LIFR: variants seen among roughly 807,000 people sequenced by gnomAD.
LIFR encodes the protein leukemia inhibitory factor receptor.
Under a neutral mutation model 122.2 loss-of-function variants are expected in LIFR, and 84 were observed. The observed-to-expected ratio is 0.69, with a 90% CI of 0.58 to 0.82. LIFR has a LOEUF of 0.82. LIFR is among the 40% of genes least tolerant of loss of function. The pLI, the probability that LIFR is intolerant of heterozygous loss-of-function variation, is 0.00. For synonymous variants in LIFR, 422 were observed against 434.7 expected (o/e 0.97, Z 0.36); for missense variants, 1,294 against 1,311.6 (o/e 0.99, Z 0.21).
Position 38,493,723 on chromosome 5 carries a change from C to T in LIFR, c.1948G>A (p.Asp650Asn), listed in dbSNP as rs143621762. ...ACGTAGTCGCAAGTCATGTTGGGGT[C>T]GTAATGCCAGGTGAGGAGAATCCCC... ...GKGILLTWHY[D>N]PNMTCDYVIK... is the part of the protein sequence containing the mutation. The change falls in exon 14 of 20, where the codon GAC (aspartate) becomes AAC (asparagine). Residue 650 changes from aspartate (D) to asparagine (N), a missense_variant. Coordinates refer to ENST00000453190, the MANE Select transcript of LIFR (RefSeq NM_001127671.2). 1.2e-5 allele frequency: 19 copies of T among 1,614,056 alleles called. No homozygotes were observed. The highest frequency in any genetic ancestry group is 5.3e-5 in the African/African-American group (4 of 75,018).
Position 38,510,461 on chromosome 5 carries a change from T to C in LIFR, c.991+3A>G. Reference sequence around the variant, plus strand: ...AATTCTCTCTTTAAAATCATATACTTACATCCAGCAAAAATAACGGTTCCA... The same window carrying C: ...AATTCTCTCTTTAAAATCATATACTCACATCCAGCAAAAATAACGGTTCCA... On this transcript the variant is annotated splice_donor_region_variant and intron_variant, in intron 7 of 19. Transcript: ENST00000453190. The C allele has an allele frequency of 1.1e-5, 18 of 1,612,862 alleles. No homozygotes were observed. The highest frequency in any genetic ancestry group is 1.5e-5 in the Non-Finnish European group (18 of 1,179,670).
rs562774392 is a variant in LIFR, at chr5:38,483,908, A to T, written c.2591+867T>A. On this transcript the variant is annotated intron_variant, in intron 18 of 19. Transcript: ENST00000453190. ...TGAGGACTGGTCTAAGCATGAATGC[A>T]GCCACTGGCTCCATACCCAGCCAGG... is the stretch of plus-strand genomic sequence containing the variant. Among the ~76,000 whole-genome samples the T allele has an allele frequency of 5.9e-5, 9 of 152,302 alleles. No individual in the cohort carries two copies. The South Asian group carries it at 1.9e-3, about 32-fold the overall frequency.
At chr5:38,498,330 C>A (rs1744995040) in intron 12 of LIFR, among the ~76,000 whole-genome samples, 2 of 152,156 alleles carry the variant, frequency 1.3e-5, no homozygotes, top group South Asian at 4.1e-4. Context: ...GTTCCTCCTC[C>A]TCTGCTGGTT....
At chr5:38,483,102 A>G (rs2112361383) in intron 18 of LIFR, among the ~76,000 whole-genome samples, 1 of 152,258 alleles carries the variant, frequency 6.6e-6, no homozygotes, top group East Asian at 1.9e-4. Flanking sequence ...CTTGACCAAA[A>G]ACTAAATGCA....
Position 38,481,442 on chromosome 5 carries a change from C to A in LIFR, c.*153G>T. On this transcript the variant is annotated 3_prime_UTR_variant, in exon 20 of 20. Coordinates refer to ENST00000453190, the MANE Select transcript of LIFR (RefSeq NM_001127671.2). ...TTTGGCTTTTAGACTACATTAAAAG[C>A]ACATGAACACTTTCAGTGTAACTTA... 1 of 863,852 alleles carries A rather than the reference C, an allele frequency of 1.2e-6. No homozygotes were observed. Among genetic ancestry groups the A allele is most frequent in the South Asian group, 1.5e-5 (1 of 67,012 alleles). 53.5% of individuals were successfully genotyped at this position (863,852 alleles called of 1,614,324 possible). A position where few individuals can be genotyped will look rare whatever the true frequency, so the allele number is the denominator to read the frequency against.
At chr5:38,540,903 A>T (rs1360299539) in intron 1 of LIFR, among the ~76,000 whole-genome samples, 1 of 152,168 alleles carries the variant, frequency 6.6e-6, no homozygotes. Context: ...CTGCTGAAAT[A>T]ATCTTAAAAT....
upstream of LIFR, among the ~76,000 whole-genome samples, chr5:38,559,604 G>C (rs1470404): frequency 9.5e-3 from 1,452 of 152,084 alleles, 13 homozygotes; most frequent in South Asian, 0.017. Flanking sequence ...AACGTACTTT[G>C]TTTGATGCTT....
intron 12 of LIFR, among the ~76,000 whole-genome samples, chr5:38,499,295 G>A (rs541696804): frequency 2.6e-5 from 4 of 152,212 alleles, no homozygotes; most frequent in Admixed American, 2.6e-4. Flanking sequence ...GATCAAACTC[G>A]AGAAGGCTCA....
chr5:38,475,076 G>C lies in LIFR; in HGVS notation c.*6519C>G, dbSNP rs1743665807. ...TAACATCTTTAGAGTTAACAGCCAAGCATACTAGTTTTACATTTATGGTGT... is the reference window on the plus strand; with the variant it reads ...TAACATCTTTAGAGTTAACAGCCAACCATACTAGTTTTACATTTATGGTGT... On this transcript the variant is annotated 3_prime_UTR_variant, in exon 20 of 20. Transcript: ENST00000453190. The C allele has an allele frequency of 5.6e-6, 1 of 177,948 alleles. No homozygotes were observed. Among genetic ancestry groups the C allele is most frequent in the Non-Finnish European group, 1.2e-5 (1 of 82,876 alleles). 11.0% of individuals were successfully genotyped at this position (177,948 alleles called of 1,614,324 possible).
upstream of LIFR, among the ~76,000 whole-genome samples, chr5:38,560,570 A>G (rs181487085): frequency 3.7e-4 from 56 of 150,312 alleles, no homozygotes; most frequent in African/African-American, 1.3e-3. Context: ...ACAGGATTGC[A>G]TTTTGTTTTG....
rs547832044 is a variant in LIFR at position 38,504,954 on chromosome 5, C to G, written c.1292-833G>C. The stretch of plus-strand genomic sequence containing the variant: ...GGCCCTTTCTCCCCTGCCTGAGTCT[C>G]TAAGAGAAGGTCTAGGCCGTTGCTC... On this transcript the variant is annotated intron_variant, in intron 9 of 19. Transcript: ENST00000453190. Among the ~76,000 whole-genome samples, 4 of 152,276 alleles carry G rather than the reference C, an allele frequency of 2.6e-5. No homozygotes were observed. The East Asian group carries it at 7.7e-4, about 29-fold the overall frequency.
At chr5:38,562,613 G>C (rs1003583507) in intron 1 of LIFR, among the ~76,000 whole-genome samples, 3 of 152,198 alleles carry the variant, frequency 2.0e-5, no homozygotes, top group African/African-American at 7.2e-5. Context: ...CACTCAGTGC[G>C]TTGCCAGAGG....
chr5:38,509,264 G>GT (rs1745663170), intron 7 of LIFR, among the ~76,000 whole-genome samples: 1 of 152,114 alleles, frequency 6.6e-6, no homozygotes, highest in East Asian at 1.9e-4. Context: ...ATACCACTGG[G>GT]TCTCAACTTA....
intron 1 of LIFR, among the ~76,000 whole-genome samples, chr5:38,575,034 C>G (rs1292921058): frequency 2.6e-5 from 4 of 152,172 alleles, no homozygotes; most frequent in African/African-American, 9.7e-5. Context: ...TAACTCCAAA[C>G]TGGAAACTAT....
intron 13 of LIFR, among the ~76,000 whole-genome samples, chr5:38,495,897 TAAG>T (rs1309113576): frequency 1.3e-5 from 2 of 152,146 alleles, no homozygotes; most frequent in Non-Finnish European, 2.9e-5. Flanking sequence ...ATTTATACCT[TAAG>T]AAGACTTTTT....
chr5:38,553,608 T>C (rs1580175885), intron 1 of LIFR, among the ~76,000 whole-genome samples: 1 of 109,878 alleles, frequency 9.1e-6, no homozygotes, highest in Admixed American at 1.1e-4. Context: ...TAAGAGGAGT[T>C]TGGACCATTT....
At position 38,489,210 on chromosome 5, in the gene LIFR, T is replaced by C; in HGVS notation, c.2203A>G (p.Thr735Ala). 4 of 1,613,164 alleles carry C rather than the reference T, an allele frequency of 2.5e-6. No individual in the cohort carries two copies. The highest frequency in any genetic ancestry group is 1.1e-5 in the South Asian group (1 of 91,070). The change falls in exon 16 of 20, where the codon ACT becomes GCT. Residue 735 changes from threonine to alanine, a missense_variant. Coordinates refer to ENST00000453190, the MANE Select transcript of LIFR (RefSeq NM_001127671.2). ...IVAPNFTVED[T>A]SADSILVKWE... ...TTTACTAATATCGAATCTGCAGAAG[T>C]ATCCTCAACAGTAAAATTTGGTGCA...
chr5:38,494,033 C>T (rs1215740866), intron 13 of LIFR, among the ~76,000 whole-genome samples: 2 of 152,078 alleles, frequency 1.3e-5, no homozygotes, highest in African/African-American at 4.8e-5. Flanking sequence ...TAAAAAGCGC[C>T]TAGGATCAGG....
chr5:38,491,794 C>A lies in LIFR; in HGVS notation c.2066-1503G>T, dbSNP rs146171798. ...TATGTGCTGGCACGTCCTAAGTATG[C>A]AGTAATGCAACTCAAGCTCAGCCAA... On this transcript the variant is annotated intron_variant, in intron 14 of 19. Transcript: ENST00000453190. Among the ~76,000 whole-genome samples, 62 of 152,314 alleles carry A rather than the reference C, an allele frequency of 4.1e-4. No individual in the cohort carries two copies. The East Asian group carries it at 0.011, about 27-fold the overall frequency.
Sources: allele counts gnomAD v4.1 joint callset (sites outside exome capture counted in the v4.1 genomes callset), GRCh38; gene constraint gnomAD v4.1.1; transcripts MANE v1.5; gene names NCBI Gene and HGNC (gene_info 2026-07-23, HGNC 2026-07-21).